Variants in ACYP2 observed in about 807,000 individuals in gnomAD.
ACYP2 encodes the protein acylphosphatase 2.
ACYP2 carries 12 observed loss-of-function variants against 11.2 expected under a neutral mutation model. The observed-to-expected ratio is 1.08, with a 90% CI of 0.69 to 1.74. The LOEUF (loss-of-function observed/expected upper bound fraction) is 1.74, where lower values mean the gene tolerates loss of function less well. ACYP2 is among the 40% of genes most tolerant of loss of function. The probability of loss-of-function intolerance (pLI) is 0.00; values close to 1 mark genes in which losing one functional copy is unlikely to be tolerated. For synonymous variants in ACYP2, 43 were observed against 32.2 expected (o/e 1.33, Z -1.13); for missense variants, 134 against 101.9 (o/e 1.31, Z -1.35).
At chr2:54,155,379 A>G (rs1017719296) in intron 6 of ACYP2, among the ~76,000 whole-genome samples, 4 of 151,852 alleles carry the variant, frequency 2.6e-5, no homozygotes, top group African/African-American at 9.7e-5. Context: ...GTATAACATA[A>G]TATTATTTGT....
intron 6 of ACYP2, chr2:54,254,947 G>A (rs371454348): frequency 1.9e-6 from 3 of 1,612,906 alleles, no homozygotes; most frequent in Non-Finnish European, 2.5e-6. Flanking sequence ...AAAGGGCCTG[G>A]GGATCTCCAC....
At chr2:54,293,683 A>G (rs1284952770) in intron 6 of ACYP2, among the ~76,000 whole-genome samples, 1 of 152,246 alleles carries the variant, frequency 6.6e-6, no homozygotes, top group African/African-American at 2.4e-5. Context: ...ATTTACATAC[A>G]TTCTCTCTAA....
At chr2:54,003,297 TTGCCCAGGCTGGGG>T (rs1255323856) in intron 2 of ACYP2, among the ~76,000 whole-genome samples, 1 of 151,616 alleles carries the variant, frequency 6.6e-6, no homozygotes, top group Non-Finnish European at 1.5e-5. Flanking sequence ...TTCACTCTTG[TTGCCCAGGCTGGGG>T]TGCAATGGCG....
At chr2:54,300,944 TTATGAG>T (rs1237149697) in intron 6 of ACYP2, among the ~76,000 whole-genome samples, 6 of 152,220 alleles carry the variant, frequency 3.9e-5, no homozygotes, top group Non-Finnish European at 2.9e-5. Context: ...TTTTTAAAAA[TTATGAG>T]TATGAGTGAG....
intron 1 of ACYP2, among the ~76,000 whole-genome samples, chr2:53,973,298 T>C (rs1294437897): frequency 1.3e-5 from 2 of 152,122 alleles, no homozygotes; most frequent in Admixed American, 1.3e-4. Flanking sequence ...TGGACAACCT[T>C]TTAAAAAATA....
intron 4 of ACYP2, among the ~76,000 whole-genome samples, chr2:54,120,764 C>T (rs1195598311): frequency 1.3e-5 from 2 of 152,102 alleles, no homozygotes; most frequent in East Asian, 1.9e-4. Context: ...CCAGGGGTGC[C>T]GTGACCAACT....
intron 6 of ACYP2, among the ~76,000 whole-genome samples, chr2:54,231,793 C>T (rs981380391): frequency 3.3e-5 from 5 of 152,190 alleles, no homozygotes; most frequent in African/African-American, 1.2e-4. Flanking sequence ...CATTTCCTGC[C>T]TCTCGGGCAC....
rs569677530 is a variant in ACYP2, at chr2:54,190,960, A to G, written c.404+52212A>G. ...GTCACAAGCTTGGTATAATCCATGAATTTTGTTTCTTTCTCTTCCATCTCT... is the reference window on the plus strand; with the variant it reads ...GTCACAAGCTTGGTATAATCCATGAGTTTTGTTTCTTTCTCTTCCATCTCT... On this transcript the variant is annotated intron_variant, in intron 6 of 6. Transcript: ENST00000607452. Among the ~76,000 whole-genome samples, 26 of 152,218 alleles carry G rather than the reference A, an allele frequency of 1.7e-4. 1 individual carries two copies. The South Asian group carries it at 5.2e-3, about 30-fold the overall frequency.
chr2:54,142,361 C>T (rs962263070), intron 6 of ACYP2: 1 of 152,986 alleles, frequency 6.5e-6, no homozygotes, highest in Non-Finnish European at 1.5e-5. Flanking sequence ...TACCTAATGT[C>T]CATTTTATGT....
intron 4 of ACYP2, among the ~76,000 whole-genome samples, chr2:54,092,008 G>C (rs987210368): frequency 2.0e-5 from 3 of 152,134 alleles, no homozygotes; most frequent in African/African-American, 7.2e-5. Flanking sequence ...AGAGAGTGAG[G>C]CTGATTTAAA....
chr2:54,290,031 G>A (rs1452424151), intron 6 of ACYP2, among the ~76,000 whole-genome samples: 1 of 151,966 alleles, frequency 6.6e-6, no homozygotes, highest in East Asian at 1.9e-4. Flanking sequence ...GTCGTTAGCC[G>A]CCTTTCCATC....
intron 3 of ACYP2, chr2:54,051,531 GC>G: frequency 2.8e-6 from 2 of 726,648 alleles, no homozygotes. Context: ...TCTGAGAATT[GC>G]CCAAAAATAA....
intron 6 of ACYP2, among the ~76,000 whole-genome samples, chr2:54,160,242 C>A (rs1476761326): frequency 6.6e-6 from 1 of 152,124 alleles, no homozygotes; most frequent in African/African-American, 2.4e-5. Context: ...GATGGCTGTC[C>A]CAGCTTCAAG....
chr2:54,258,580 A>G (rs779807016), intron 6 of ACYP2, among the ~76,000 whole-genome samples: 1 of 152,178 alleles, frequency 6.6e-6, no homozygotes, highest in Non-Finnish European at 1.5e-5. Context: ...TTTTGCGTGA[A>G]TCACTCTGGC....
At chr2:54,184,516 G>C (rs2103875069) in intron 6 of ACYP2, among the ~76,000 whole-genome samples, 1 of 151,784 alleles carries the variant, frequency 6.6e-6, no homozygotes, top group East Asian at 1.9e-4. Context: ...ACTAAAAAAA[G>C]AGAAAGAAAA....
intron 2 of ACYP2, among the ~76,000 whole-genome samples, chr2:54,006,601 T>C (rs1270322537): frequency 6.6e-6 from 1 of 152,158 alleles, no homozygotes; most frequent in African/African-American, 2.4e-5. Flanking sequence ...TATCTCTCTC[T>C]ATTTATTTAG....
intron 4 of ACYP2, among the ~76,000 whole-genome samples, chr2:54,093,604 T>A (rs1255056591): frequency 1.3e-5 from 2 of 152,216 alleles, no homozygotes; most frequent in Non-Finnish European, 2.9e-5. Context: ...TTTTAGAGAC[T>A]TAGTTTTCTC....
At chr2:54,241,686 T>C (rs1383975932) in intron 6 of ACYP2, among the ~76,000 whole-genome samples, 4 of 152,230 alleles carry the variant, frequency 2.6e-5, no homozygotes, top group Non-Finnish European at 5.9e-5. Flanking sequence ...TCAGATTTAT[T>C]TATCAAATGT....
intron 6 of ACYP2, chr2:54,141,997 G>T: frequency 2.2e-6 from 1 of 461,556 alleles, no homozygotes; most frequent in East Asian, 3.1e-5. Flanking sequence ...GTGTGTGTGT[G>T]TGTGTGTGTG....
Sources: gnomAD v4.1 joint callset for allele counts (sites outside exome capture counted in the v4.1 genomes callset) on GRCh38, gnomAD v4.1.1 for gene constraint, MANE v1.5 for transcripts, NCBI Gene and HGNC (gene_info 2026-07-23, HGNC 2026-07-21) for gene names.